Variants in TSPAN18 observed in about 807,000 individuals in gnomAD.
TSPAN18 encodes tetraspanin 18.
TSPAN18 carries 14 observed loss-of-function variants against 27.3 expected under a neutral mutation model. The observed-to-expected ratio is 0.51, with a 90% CI of 0.34 to 0.80. The LOEUF is 0.80. Ranked by LOEUF, TSPAN18 falls within the 30% of genes least tolerant of loss-of-function variation. The pLI, the probability that TSPAN18 is intolerant of heterozygous loss-of-function variation, is 0.01. For synonymous variants in TSPAN18, 143 were observed against 136.5 expected, an observed-to-expected ratio of 1.05 and a Z score of -0.33; for missense variants, 268 against 323.9, an observed-to-expected ratio of 0.83 and a Z score of 1.32.
chr11:44,752,434 C>G (rs188985754), intron 1 of TSPAN18, among the ~76,000 whole-genome samples: 1 of 152,060 alleles, frequency 6.6e-6, no homozygotes, highest in Non-Finnish European at 1.5e-5. Context: ...CAGGCTGAAG[C>G]GCAGTGACTC....
At chr11:44,726,904 C>CGGGGGA (rs1292843945), upstream of TSPAN18, 1 of 19,462 alleles carries the variant, frequency 5.1e-5, no homozygotes, top group Non-Finnish European at 9.4e-5. Context: ...GGAGGGAGGG[C>CGGGGGA]GGGGGAGGGG....
At chr11:44,881,041 A>G (rs537368879) in intron 3 of TSPAN18, among the ~76,000 whole-genome samples, 2 of 152,360 alleles carry the variant, frequency 1.3e-5, no homozygotes, top group African/African-American at 4.8e-5. Flanking sequence ...TTATAAGCCC[A>G]GACTCTGCAG....
rs149644968 is a variant in TSPAN18 at position 44,793,395 on chromosome 11, G to T, written c.-153+28883G>T. Among the ~76,000 whole-genome samples the T allele has an allele frequency of 2.0e-5, 3 of 152,274 alleles. No individual in the cohort carries two copies. The East Asian group carries it at 5.8e-4, about 29-fold the overall frequency. ...GTTAGGAGCAAATGTACTCAGAAAC[G>T]CACCAGGCATCAGAACGGAAATGGC... On this transcript the variant is annotated intron_variant, in intron 2 of 9. Coordinates refer to ENST00000520358, the MANE Select transcript of TSPAN18 (RefSeq NM_130783.5).
intron 1 of TSPAN18, 139 bp downstream of exon 1, chr11:44,727,426 A>G (rs1854542938): frequency 6.6e-6 from 1 of 152,212 alleles, no homozygotes. Flanking sequence ...CCAGGACGGA[A>G]GCCCGGCAAC....
intron 1 of TSPAN18, among the ~76,000 whole-genome samples, chr11:44,732,351 C>T (rs1272196570): frequency 6.6e-6 from 1 of 152,220 alleles, no homozygotes; most frequent in Non-Finnish European, 1.5e-5. Flanking sequence ...TTGGATACTG[C>T]CCCCATTCTG....
intron 3 of TSPAN18, among the ~76,000 whole-genome samples, chr11:44,875,402 G>A (rs1198156450): frequency 2.0e-5 from 3 of 152,224 alleles, no homozygotes; most frequent in Non-Finnish European, 4.4e-5. Context: ...GAGCAAGTCT[G>A]GGCCTTGGGG....
intron 3 of TSPAN18, chr11:44,897,885 C>G (rs1055873730): frequency 3.1e-6 from 4 of 1,285,872 alleles, no homozygotes; most frequent in Non-Finnish European, 3.0e-6. Context: ...CATCACCTGA[C>G]ACGGTCCCAT....
At chr11:44,855,258 T>C in intron 2 of TSPAN18, among the ~76,000 whole-genome samples, 1 of 152,116 alleles carries the variant, frequency 6.6e-6, no homozygotes, top group Admixed American at 6.5e-5. Context: ...TCTTTAACAA[T>C]ATTTTAAAAT....
At chr11:44,909,996 A>C in intron 5 of TSPAN18, 97 bp downstream of exon 5, 1 of 1,412,972 alleles carries the variant, frequency 7.1e-7, no homozygotes, top group Non-Finnish European at 9.4e-7. Context: ...CATTCAGACC[A>C]GTGCTTCCCA....
At chr11:44,873,715 G>A (rs2135242852) in intron 3 of TSPAN18, among the ~76,000 whole-genome samples, 1 of 152,356 alleles carries the variant, frequency 6.6e-6, no homozygotes, top group African/African-American at 2.4e-5. Context: ...GGTCTGTGGG[G>A]AGTGCTGTCC....
intron 1 of TSPAN18, among the ~76,000 whole-genome samples, chr11:44,761,846 C>T (rs565144215): frequency 4.7e-4 from 72 of 152,314 alleles, no homozygotes; most frequent in Middle Eastern, 3.4e-3. Context: ...CAGGTAGGCC[C>T]GAGTTCCTCT....
At chr11:44,799,261 C>T (rs187939122) in intron 2 of TSPAN18, among the ~76,000 whole-genome samples, 213 of 152,160 alleles carry the variant, frequency 1.4e-3, no homozygotes, top group African/African-American at 4.8e-3. Flanking sequence ...CCAGACTAAA[C>T]TGGTCTCATG....
chr11:44,921,769 T>C (rs545686355), intron 8 of TSPAN18, among the ~76,000 whole-genome samples: 1 of 152,308 alleles, frequency 6.6e-6, no homozygotes, highest in Non-Finnish European at 1.5e-5. Context: ...ACAGCCAAAC[T>C]TAGAACCTTT....
chr11:44,910,440 G>A (rs552532945), intron 5 of TSPAN18, among the ~76,000 whole-genome samples: 8 of 152,340 alleles, frequency 5.3e-5, no homozygotes, highest in East Asian at 3.9e-4. Context: ...CAGTGGGCCC[G>A]TGCCTGCAGT....
intron 2 of TSPAN18, among the ~76,000 whole-genome samples, chr11:44,793,385 A>G (rs1474807757): frequency 6.6e-6 from 1 of 152,152 alleles, no homozygotes; most frequent in East Asian, 1.9e-4. Context: ...GAGCAAATGT[A>G]CTCAGAAACG....
rs56206594 is a variant in TSPAN18 at position 44,910,198 on chromosome 11, A to G, written c.258+299A>G. 4.7e-3 allele frequency among the ~76,000 whole-genome samples: 723 copies of G among 152,300 alleles called. 10 individuals carry two copies. The highest frequency in any genetic ancestry group is 0.017 in the African/African-American group (696 of 41,560). Reference sequence around the variant, plus strand: ...GCAGTGCCTCAGGCTGCCTCTTCCCATGCCTTTGGGACCTGTTTTCTCCCT... The same window carrying G: ...GCAGTGCCTCAGGCTGCCTCTTCCCGTGCCTTTGGGACCTGTTTTCTCCCT... On this transcript the variant is annotated intron_variant, in intron 5 of 9. Transcript: ENST00000520358.
intron 2 of TSPAN18, among the ~76,000 whole-genome samples, chr11:44,815,177 C>T (rs1215928679): frequency 6.6e-6 from 1 of 152,192 alleles, no homozygotes; most frequent in Non-Finnish European, 1.5e-5. Flanking sequence ...GTAGGGCAGG[C>T]ACTCCTGGGG....
At chr11:44,894,287 C>A (rs919028311) in intron 3 of TSPAN18, among the ~76,000 whole-genome samples, 1 of 152,230 alleles carries the variant, frequency 6.6e-6, no homozygotes, top group African/African-American at 2.4e-5. Context: ...GGTGGGAACG[C>A]AGTTGCAGGG....
At chr11:44,753,314 T>C (rs1855255827) in intron 1 of TSPAN18, among the ~76,000 whole-genome samples, 1 of 152,090 alleles carries the variant, frequency 6.6e-6, no homozygotes, top group African/African-American at 2.4e-5. Context: ...GTATTTTTAG[T>C]AGAGACAGGG....
Sources: gnomAD v4.1 joint callset for allele counts (sites outside exome capture counted in the v4.1 genomes callset) on GRCh38, gnomAD v4.1.1 for gene constraint, MANE v1.5 for transcripts, NCBI Gene and HGNC (gene_info 2026-07-23, HGNC 2026-07-21) for gene names.